The following GSDMC variants were observed in gnomAD, a reference collection of about 807,000 sequenced individuals.
GSDMC encodes gasdermin C.
Under a neutral mutation model 58.0 loss-of-function variants are expected in GSDMC, and 59 were observed. The ratio of observed to expected loss-of-function variants is 1.02; its 90% CI spans 0.82 to 1.26. GSDMC has a LOEUF of 1.26. Among genes scored for constraint, GSDMC ranks in the 50% most tolerant of loss-of-function variants. GSDMC has a pLI of 0.00. For missense variants in GSDMC, 659 were observed against 598.5 expected, an observed-to-expected ratio of 1.10 and a Z score of -1.06; for synonymous variants, 241 against 220.2, an observed-to-expected ratio of 1.09 and a Z score of -0.83.
chr8:129,729,139 A>G, the GSDMC span: 1 of 658,900 alleles, frequency 1.5e-6, no homozygotes, highest in South Asian at 1.4e-5. Flanking sequence ...GAGTTGGAAG[A>G]CAGGAGGCAA....
At position 129,765,785 on chromosome 8, in the gene GSDMC, A is replaced by C. The variant is rs1424069164; in HGVS notation, c.413T>G (p.Leu138Trp). 4.3e-6 allele frequency: 7 copies of C among 1,613,406 alleles called. No homozygotes were observed. In the South Asian group the frequency reaches 6.6e-5, roughly 15 times the overall value. ...NLEDFQKRKL[L>W]DPEPSFLKEC... is the part of the protein sequence containing the mutation. ...CTTCAGAAATGATGGCTCTGGATCC[A>C]ACAGTTTCCTGGGGATTTAAGGAAG... Residue 138 changes from leucine to tryptophan, a missense_variant, in exon 4 of 14, where the codon TTG (leucine) becomes TGG (tryptophan). Coordinates refer to ENST00000276708, the MANE Select transcript of GSDMC (RefSeq NM_031415.3).
intron 1 of GSDMC, among the ~76,000 whole-genome samples, chr8:129,778,508 C>T (rs2034314774): frequency 6.6e-6 from 1 of 152,044 alleles, no homozygotes; most frequent in African/African-American, 2.4e-5. Flanking sequence ...AAAAATAAAA[C>T]ACTAGAAGAC....
At chr8:129,706,382 G>A in the GSDMC span, among the ~76,000 whole-genome samples, 1 of 152,180 alleles carries the variant, frequency 6.6e-6, no homozygotes, top group Non-Finnish European at 1.5e-5. Flanking sequence ...CATGATCTCA[G>A]AAGAAAGGAA....
chr8:129,723,993 CA>C, the GSDMC span, among the ~76,000 whole-genome samples: 37 of 152,324 alleles, frequency 2.4e-4, no homozygotes, highest in African/African-American at 7.9e-4. Flanking sequence ...TATGTGGGCA[CA>C]AAAGCTTGCT....
chr8:129,722,213 A>G, the GSDMC span, among the ~76,000 whole-genome samples: 2 of 152,174 alleles, frequency 1.3e-5, no homozygotes, highest in Non-Finnish European at 2.9e-5. Context: ...TAGAAGCCCT[A>G]CGGTGCTCGG....
chr8:129,759,722 G>GATGCA (rs1384401232), intron 6 of GSDMC, among the ~76,000 whole-genome samples: 1 of 152,124 alleles, frequency 6.6e-6, no homozygotes, highest in Non-Finnish European at 1.5e-5. Context: ...CACATGCTGG[G>GATGCA]GAGGATGCAG....
Position 129,752,812 on chromosome 8 carries a change from T to A in GSDMC, c.730A>T (p.Ile244Phe), listed in dbSNP as rs1486853126. ...EQRTFQDEYE[I>F]SEMVGYCAAR... The stretch of plus-strand genomic sequence containing the variant: ...GCACAGTAGCCTACCATTTCGGAAA[T>A]TTCGTACTCTTGGGAGAGAGGGAGA... The change falls in exon 7 of 14, where the codon ATT (isoleucine) becomes TTT (phenylalanine). Residue 244 changes from isoleucine to phenylalanine, a missense_variant. Physicochemically the swap from Ile to Phe is conservative, Grantham distance 21. Coordinates refer to ENST00000276708, the MANE Select transcript of GSDMC (RefSeq NM_031415.3). The A allele has an allele frequency of 1.2e-6, 2 of 1,613,998 alleles. No individual in the cohort carries two copies. The highest frequency in any genetic ancestry group is 1.7e-6 in the Non-Finnish European group (2 of 1,179,962).
the GSDMC span, among the ~76,000 whole-genome samples, chr8:129,713,756 C>G: frequency 6.6e-6 from 1 of 152,120 alleles, no homozygotes; most frequent in African/African-American, 2.4e-5. Context: ...AAAAGAGTGA[C>G]ACTGTGTAAC....
intron 5 of GSDMC, among the ~76,000 whole-genome samples, chr8:129,761,452 A>C (rs1025375445): frequency 5.9e-5 from 9 of 152,162 alleles, no homozygotes; most frequent in African/African-American, 2.2e-4. Context: ...CAACCACTGT[A>C]GTTTATTCTC....
rs1341203906 is a variant in GSDMC at position 129,760,582 on chromosome 8, G to A, written c.684C>T (p.Leu228=). The A allele has an allele frequency of 8.2e-6, 13 of 1,590,950 alleles. No homozygotes were observed. Among genetic ancestry groups the A allele is most frequent in the Non-Finnish European group, 8.6e-6 (10 of 1,159,652 alleles). ...TTCTCTGTTCATCATCATCTGAGATGAGAATGGCTGAATGGAAAAGAAGAA... is the reference window on the plus strand; with the variant it reads ...TTCTCTGTTCATCATCATCTGAGATAAGAATGGCTGAATGGAAAAGAAGAA... ...KQLVIKEKAI[L]ISDDDEQRTF... is the part of the protein sequence containing the mutation. Residue 228 remains leucine, a synonymous_variant, in exon 6 of 14, where the codon CTC becomes CTT. Coordinates refer to ENST00000276708, the MANE Select transcript of GSDMC (RefSeq NM_031415.3).
Position 129,786,365 on chromosome 8 carries a change from C to G in GSDMC, c.-359G>C, listed in dbSNP as rs1201680678. 3 of 152,018 alleles carry G rather than the reference C, an allele frequency of 2.0e-5. No individual in the cohort carries two copies. Among genetic ancestry groups the G allele is most frequent in the Non-Finnish European group, 4.4e-5 (3 of 68,064 alleles). 9.4% of individuals were successfully genotyped at this position (152,018 alleles called of 1,614,324 possible). A position where few individuals can be genotyped will look rare whatever the true frequency, so the allele number is the denominator to read the frequency against. On this transcript the variant is annotated 5_prime_UTR_variant, in exon 1 of 14. Transcript: ENST00000276708. ...GAAAAATAGCACAATTGAGTAGGGC[C>G]CCTTCCAATCTTCAGACCTCCTGCG... is the stretch of plus-strand genomic sequence containing the variant.
chr8:129,733,963 G>A, the GSDMC span, among the ~76,000 whole-genome samples: 1 of 152,172 alleles, frequency 6.6e-6, no homozygotes, highest in Non-Finnish European at 1.5e-5. Context: ...AGAATAAACA[G>A]TGTAGAGAAC....
intron 9 of GSDMC, 89 bp from the exon 10 acceptor site, chr8:129,751,657 C>T (rs2033197342): frequency 8.0e-7 from 1 of 1,251,890 alleles, no homozygotes; most frequent in Non-Finnish European, 1.2e-6. Flanking sequence ...CTCCTACCAC[C>T]TCCTCCCTCT....
intron 6 of GSDMC, among the ~76,000 whole-genome samples, chr8:129,754,794 TG>T (rs1415110647): frequency 6.6e-6 from 1 of 152,026 alleles, no homozygotes; most frequent in Non-Finnish European, 1.5e-5. Flanking sequence ...GCCAAAATTC[TG>T]GAGTTGAAAA....
rs1357976063 is a variant in GSDMC, at chr8:129,748,436, G to A, written c.*65C>T. 3.3e-6 allele frequency: 5 copies of A among 1,503,794 alleles called. No individual in the cohort carries two copies. In the African/African-American group the frequency reaches 5.6e-5, roughly 17 times the overall value. The allele number at this position is 1,503,794 out of a possible 1,614,324, so 93.2% of individuals were successfully genotyped here. A position where few individuals can be genotyped will look rare whatever the true frequency, so the allele number is the denominator to read the frequency against. ...ACAGCCCTATCTCTTGCACCCATAA[G>A]GACACTCACAGCATAGACTGGGCGA... On this transcript the variant is annotated 3_prime_UTR_variant, in exon 14 of 14. Coordinates refer to ENST00000276708, the MANE Select transcript of GSDMC (RefSeq NM_031415.3).
At chr8:129,766,134 G>T (rs1443668147) in intron 3 of GSDMC, among the ~76,000 whole-genome samples, 1 of 152,206 alleles carries the variant, frequency 6.6e-6, no homozygotes, top group African/African-American at 2.4e-5. Flanking sequence ...AGGTCCAGAT[G>T]ATTGAGAACA....
the GSDMC span, among the ~76,000 whole-genome samples, chr8:129,719,756 C>T: frequency 2.6e-5 from 4 of 152,168 alleles, no homozygotes; most frequent in Non-Finnish European, 5.9e-5. Flanking sequence ...ACAAGCCTGG[C>T]CAACATGGTG....
downstream of GSDMC, among the ~76,000 whole-genome samples, chr8:129,745,521 T>C (rs560066323): frequency 5.5e-5 from 7 of 127,980 alleles, no homozygotes; most frequent in African/African-American, 3.0e-4. Flanking sequence ...AATTATATGC[T>C]ACAACCTTAA....
Position 129,760,578 on chromosome 8 carries a change from A to G in GSDMC, c.688T>C (p.Ser230Pro). ...AAGGTTCTCTGTTCATCATCATCTG[A>G]GATGAGAATGGCTGAATGGAAAAGA... is the stretch of plus-strand genomic sequence containing the variant. The part of the protein sequence containing the change: ...LVIKEKAILI[S>P]DDDEQRTFQD... Residue 230 changes from serine to proline, a missense_variant, in exon 6 of 14, where the codon TCA (serine) becomes CCA (proline). By Grantham distance (74) the Ser-to-Pro change is moderately conservative. Transcript: ENST00000276708. 1 of 1,594,226 alleles carries G rather than the reference A, an allele frequency of 6.3e-7. No homozygotes were observed. The highest frequency in any genetic ancestry group is 8.6e-7 in the Non-Finnish European group (1 of 1,162,438).
Sources: allele counts gnomAD v4.1 joint callset (sites outside exome capture counted in the v4.1 genomes callset), GRCh38; gene constraint gnomAD v4.1.1; transcripts MANE v1.5; gene names NCBI Gene and HGNC (gene_info 2026-07-23, HGNC 2026-07-21).